The following DLG2 variants were observed in gnomAD, a reference collection of about 807,000 sequenced individuals.
DLG2 encodes the protein disks large homolog 2.
DLG2 carries 45 observed loss-of-function variants against 132.5 expected under a neutral mutation model. The observed-to-expected ratio is 0.34, with a 90% confidence interval of 0.27 to 0.44. The LOEUF is 0.44. Ranked by LOEUF, DLG2 falls within the 20% of genes least tolerant of loss-of-function variation. DLG2 has a pLI of 1.00. For synonymous variants in DLG2, 424 were observed against 419.6 expected (o/e 1.01, Z -0.13); for missense variants, 1,045 against 1,196.9 (o/e 0.87, Z 1.87).
At chr11:85,117,108 G>C (rs1035701719) in intron 5 of DLG2, among the ~76,000 whole-genome samples, 1 of 151,990 alleles carries the variant, frequency 6.6e-6, no homozygotes, top group African/African-American at 2.4e-5. Flanking sequence ...GTTCGTCAAG[G>C]CAAAAGATTC....
At chr11:84,752,563 T>C (rs551901948) in intron 6 of DLG2, among the ~76,000 whole-genome samples, 43 of 139,014 alleles carry the variant, frequency 3.1e-4, no homozygotes, top group Non-Finnish European at 5.9e-4. Context: ...GTTTTCTTTT[T>C]CTTTTTTTTT....
chr11:84,840,074 T>G (rs546642070), intron 6 of DLG2, among the ~76,000 whole-genome samples: 1 of 152,100 alleles, frequency 6.6e-6, no homozygotes, highest in African/African-American at 2.4e-5. Flanking sequence ...GGGAGAAAAT[T>G]TTTGCAATCT....
intron 6 of DLG2, among the ~76,000 whole-genome samples, chr11:85,053,319 T>A (rs1487908418): frequency 1.3e-5 from 2 of 152,140 alleles, no homozygotes. Context: ...TCTGCCAACT[T>A]GGGAAACCAT....
intron 21 of DLG2, among the ~76,000 whole-genome samples, chr11:83,485,605 A>G (rs2137652761): frequency 6.6e-6 from 1 of 152,280 alleles, no homozygotes; most frequent in South Asian, 2.1e-4. Flanking sequence ...ATTTTTGGCA[A>G]TGGAAGCTGT....
chr11:85,248,192 A>G (rs2076228446), intron 4 of DLG2, among the ~76,000 whole-genome samples: 1 of 152,084 alleles, frequency 6.6e-6, no homozygotes, highest in South Asian at 2.1e-4. Flanking sequence ...TTTCACAAAC[A>G]AACGAACTGA....
intron 19 of DLG2, among the ~76,000 whole-genome samples, chr11:83,559,799 T>G (rs1364929177): frequency 6.6e-6 from 1 of 152,184 alleles, no homozygotes; most frequent in African/African-American, 2.4e-5. Flanking sequence ...AAGGACATGA[T>G]GCCTGGCACT....
chr11:84,004,916 G>A (rs1592876026), intron 11 of DLG2, among the ~76,000 whole-genome samples: 5 of 123,984 alleles, frequency 4.0e-5, no homozygotes, highest in East Asian at 2.6e-4. Context: ...TTACAGAAAT[G>A]AGAAAAAGAA....
chr11:84,401,155 T>C (rs973072831), intron 7 of DLG2, among the ~76,000 whole-genome samples: 1 of 151,988 alleles, frequency 6.6e-6, no homozygotes, highest in Non-Finnish European at 1.5e-5. Flanking sequence ...AGCAGGCAAG[T>C]TATTTATCAG....
chr11:83,804,054 C>G (rs977258827), intron 17 of DLG2, among the ~76,000 whole-genome samples: 1 of 152,058 alleles, frequency 6.6e-6, no homozygotes, highest in Non-Finnish European at 1.5e-5. Flanking sequence ...TATTCCTCAT[C>G]TAAAAATAAG....
At chr11:85,027,498 T>C (rs987480051) in intron 6 of DLG2, among the ~76,000 whole-genome samples, 3 of 152,154 alleles carry the variant, frequency 2.0e-5, no homozygotes, top group Non-Finnish European at 4.4e-5. Context: ...CCTGGCAGGC[T>C]GCGCTTGGCT....
chr11:84,205,558 A>T lies in DLG2; in HGVS notation c.574-42047T>A, dbSNP rs1478269016. ...TCTGAGAATAACAGAATTAAATTAA[A>T]AAAAAAAACAAAAATAAAGTAACAT... On this transcript the variant is annotated intron_variant, in intron 8 of 27. Coordinates refer to ENST00000376104, the MANE Select transcript of DLG2 (RefSeq NM_001142699.3). 1.1e-3 allele frequency among the ~76,000 whole-genome samples: 14 copies of T among 12,628 alleles called. No homozygotes were observed. The Non-Finnish European group carries it at 0.018, about 16-fold the overall frequency. The allele number at this position is 12,628 out of a possible 152,430, so 8.3% of individuals were successfully genotyped here.
chr11:84,812,360 C>A (rs1445667008), intron 6 of DLG2, among the ~76,000 whole-genome samples: 2 of 152,128 alleles, frequency 1.3e-5, no homozygotes, highest in East Asian at 3.9e-4. Flanking sequence ...GATGCCTGGT[C>A]AGAGATGAGT....
Position 83,760,691 on chromosome 11 carries a change from AAAC to A in DLG2, c.1825+25996_1825+25998del, listed in dbSNP as rs578024303. 1.9e-3 allele frequency among the ~76,000 whole-genome samples: 289 copies of A among 152,220 alleles called. 1 individual carries two copies. Among genetic ancestry groups the A allele is most frequent in the African/African-American group, 6.5e-3 (270 of 41,558 alleles). ...ATCTATTCTAAAAACAGAAACAGAA[AAAC>A]AACAACAAAAACAACAACAACAAAA... On this transcript the variant is annotated intron_variant, in intron 18 of 27. Coordinates refer to ENST00000376104, the MANE Select transcript of DLG2 (RefSeq NM_001142699.3).
At chr11:85,488,376 G>A (rs1195567472) in intron 3 of DLG2, among the ~76,000 whole-genome samples, 1 of 151,372 alleles carries the variant, frequency 6.6e-6, no homozygotes, top group Non-Finnish European at 1.5e-5. Context: ...GTGACACAGG[G>A]AGACTGCGTC....
intron 6 of DLG2, among the ~76,000 whole-genome samples, chr11:84,895,180 CAT>C (rs1447070685): frequency 1.3e-5 from 2 of 151,722 alleles, no homozygotes; most frequent in Admixed American, 1.3e-4. Flanking sequence ...GACGTTTAAA[CAT>C]AACAGAATTT....
intron 16 of DLG2, among the ~76,000 whole-genome samples, chr11:83,870,612 A>G (rs2063256769): frequency 6.6e-6 from 1 of 152,200 alleles, no homozygotes; most frequent in South Asian, 2.1e-4. Flanking sequence ...TGAAGGGCTC[A>G]GCTGTGGGGG....
chr11:85,425,811 A>T (rs1380198580), intron 3 of DLG2, among the ~76,000 whole-genome samples: 2 of 152,120 alleles, frequency 1.3e-5, no homozygotes, highest in African/African-American at 4.8e-5. Context: ...GGTGCAGCAC[A>T]CCAAGCAAGA....
chr11:85,071,702 T>C (rs997673040), intron 6 of DLG2, among the ~76,000 whole-genome samples: 1 of 151,818 alleles, frequency 6.6e-6, no homozygotes, highest in Non-Finnish European at 1.5e-5. Flanking sequence ...TCCTTGTATC[T>C]TGAAAAAAAT....
chr11:83,690,052 T>C (rs948907313), intron 18 of DLG2, among the ~76,000 whole-genome samples: 1 of 146,992 alleles, frequency 6.8e-6, no homozygotes, highest in African/African-American at 2.5e-5. Context: ...TATGTATTTT[T>C]ATATACATAA....
Sources: allele counts gnomAD v4.1 joint callset (sites outside exome capture counted in the v4.1 genomes callset), GRCh38; gene constraint gnomAD v4.1.1; transcripts MANE v1.5; gene names NCBI Gene and HGNC (gene_info 2026-07-23, HGNC 2026-07-21).